TRPC3: variants seen among roughly 807,000 people sequenced by gnomAD.
TRPC3 encodes transient receptor potential cation channel subfamily C member 3.
A neutral mutation model predicts 90.9 loss-of-function variants in TRPC3; 54 were observed. The observed-to-expected ratio is 0.59, with a 90% CI of 0.48 to 0.75. TRPC3 has a LOEUF of 0.75. Among genes scored for constraint, TRPC3 ranks in the 30% least tolerant of loss-of-function variants. The pLI, the probability that TRPC3 is intolerant of heterozygous loss-of-function variation, is 0.00. For synonymous variants in TRPC3, 424 were observed against 450.9 expected (o/e 0.94, Z 0.75); for missense variants, 918 against 1,194.5 (o/e 0.77, Z 3.41).
intron 1 of TRPC3, among the ~76,000 whole-genome samples, chr4:121,946,516 G>T (rs1390934975): frequency 1.3e-5 from 2 of 152,154 alleles, no homozygotes; most frequent in African/African-American, 4.8e-5. Context: ...TGATTACATG[G>T]TCATATTAAT....
At chr4:121,889,003 C>G (rs566255830) in intron 10 of TRPC3, among the ~76,000 whole-genome samples, 12 of 152,292 alleles carry the variant, frequency 7.9e-5, no homozygotes, top group African/African-American at 2.6e-4. Flanking sequence ...GAAGCACTTA[C>G]AGCTACCTGA....
In TRPC3 at chr4:121,932,119, T is replaced by G; in HGVS notation, c.987+152A>C. On this transcript the variant is annotated intron_variant, in intron 2 of 11. Coordinates refer to ENST00000379645, the MANE Select transcript of TRPC3 (RefSeq NM_001130698.2). The surrounding 1 kb of genome is among the most constrained non-coding windows in gnomAD (Gnocchi z 7.7). ...TCATTGAGAGGGAGAAAGAAAACATTAGATGAGGTCTGAATGACGTTCTCA... is the reference window on the plus strand; with the variant it reads ...TCATTGAGAGGGAGAAAGAAAACATGAGATGAGGTCTGAATGACGTTCTCA... The G allele has an allele frequency of 8.1e-7, 1 of 1,232,166 alleles. No individual in the cohort carries two copies. The highest frequency in any genetic ancestry group is 1.6e-5 in the South Asian group (1 of 63,022). 76.3% of individuals were successfully genotyped at this position (1,232,166 alleles called of 1,614,324 possible).
chr4:121,891,661 G>A (rs1728333158), intron 10 of TRPC3, among the ~76,000 whole-genome samples: 1 of 152,138 alleles, frequency 6.6e-6, no homozygotes. Context: ...AGATTAGCAG[G>A]AGGAAAAACA....
intron 1 of TRPC3, among the ~76,000 whole-genome samples, chr4:121,941,364 G>A (rs1730302721): frequency 6.6e-6 from 1 of 152,214 alleles, no homozygotes; most frequent in Admixed American, 6.5e-5. Flanking sequence ...AAAATGTTTG[G>A]ATGGAGCAGT....
chr4:121,898,996 G>A (rs957772319), intron 10 of TRPC3, among the ~76,000 whole-genome samples: 8 of 152,108 alleles, frequency 5.3e-5, no homozygotes, highest in Admixed American at 5.2e-4. Flanking sequence ...TAAATTCCTT[G>A]ATCGTCACTT....
intron 1 of TRPC3, among the ~76,000 whole-genome samples, chr4:121,944,107 A>G (rs1730411356): frequency 6.6e-6 from 1 of 152,080 alleles, no homozygotes; most frequent in African/African-American, 2.4e-5. Context: ...CCAGACTCCT[A>G]TGTGTTCACC....
chr4:121,890,041 G>C (rs1236832778), intron 10 of TRPC3, among the ~76,000 whole-genome samples: 1 of 152,142 alleles, frequency 6.6e-6, no homozygotes, highest in Non-Finnish European at 1.5e-5. Flanking sequence ...AGGACATAAT[G>C]TTAAATGAAA....
chr4:121,885,947 G>T (rs1428110389), intron 10 of TRPC3, among the ~76,000 whole-genome samples: 1 of 152,096 alleles, frequency 6.6e-6, no homozygotes, highest in Non-Finnish European at 1.5e-5. Flanking sequence ...AAAGACTATT[G>T]ATTTTCTCTG....
At chr4:121,892,071 T>C (rs1728348188) in intron 10 of TRPC3, among the ~76,000 whole-genome samples, 1 of 152,138 alleles carries the variant, frequency 6.6e-6, no homozygotes, top group Admixed American at 6.5e-5. Context: ...TCTAATAATT[T>C]AACAAGCAGG....
Position 121,932,572 on chromosome 4 carries a change from C to T in TRPC3, c.686G>A (p.Arg229His). Reference sequence around the variant, plus strand: ...GATGGGGGTGATGTCCGGCGAGAAGCGCGTGCCGTCCTCGTCGTAAGCGTA... The same window carrying T: ...GATGGGGGTGATGTCCGGCGAGAAGTGCGTGCCGTCCTCGTCGTAAGCGTA... ...DFYAYDEDGT[R>H]FSPDITPIIL... Residue 229 changes from arginine to histidine, a missense_variant, in exon 2 of 12, where the codon CGC becomes CAC. Arg to His is a conservative substitution (Grantham distance 29, BLOSUM62 0). This residue lies in a region of TRPC3 where 609 missense variants were observed against 725.9 expected (regional missense o/e 0.84). Transcript: ENST00000379645. The surrounding 1 kb of genome is among the most constrained non-coding windows in gnomAD (Gnocchi z 7.7). The T allele has an allele frequency of 6.2e-7, 1 of 1,614,226 alleles. No individual in the cohort carries two copies. Among genetic ancestry groups the T allele is most frequent in the Non-Finnish European group, 8.5e-7 (1 of 1,180,036 alleles).
In TRPC3 at chr4:121,951,315, CCT is replaced by C. The variant is rs1156346482; in HGVS notation, c.215+149_215+150del. 2 of 467,748 alleles carry C rather than the reference CCT, an allele frequency of 4.3e-6. No individual in the cohort carries two copies. The highest frequency in any genetic ancestry group is 7.4e-5 in the East Asian group (1 of 13,554). 29.0% of individuals were successfully genotyped at this position (467,748 alleles called of 1,614,324 possible). ...GCGAGCCTCCGGCCGAGGTCTGTCC[CCT>C]CCAAATCACTCCAAATCGAACTGCC... On this transcript the variant is annotated intron_variant, in intron 1 of 11. Transcript: ENST00000379645. This position sits in a 1 kb window ranked among gnomAD's most constrained non-coding sequence, Gnocchi z 4.4.
chr4:121,892,923 C>T (rs1179376911), intron 10 of TRPC3, among the ~76,000 whole-genome samples: 1 of 151,848 alleles, frequency 6.6e-6, no homozygotes, highest in Admixed American at 6.6e-5. Context: ...GAGTTCAAGA[C>T]CAGCCTGGTC....
intron 10 of TRPC3, among the ~76,000 whole-genome samples, chr4:121,883,108 G>A (rs1727998838): frequency 1.3e-5 from 2 of 151,960 alleles, no homozygotes; most frequent in Admixed American, 1.3e-4. Flanking sequence ...TTAAATTGGA[G>A]CCCTATTTCA....
chr4:121,893,088 T>C (rs1317900537), intron 10 of TRPC3, among the ~76,000 whole-genome samples: 10 of 136,202 alleles, frequency 7.3e-5, no homozygotes, highest in Non-Finnish European at 1.5e-4. Flanking sequence ...ACCACTGCAC[T>C]CCAGCCTGGG....
At chr4:121,935,859 C>T (rs532666677) in intron 1 of TRPC3, among the ~76,000 whole-genome samples, 2 of 152,226 alleles carry the variant, frequency 1.3e-5, no homozygotes, top group Non-Finnish European at 2.9e-5. Flanking sequence ...TCCCAAAAGA[C>T]ACCAGGTTGA....
Position 121,917,007 on chromosome 4 carries a change from G to T in TRPC3, c.1177-2063C>A, listed in dbSNP as rs375498722. Among the ~76,000 whole-genome samples the T allele has an allele frequency of 2.0e-4, 31 of 152,228 alleles. No individual in the cohort carries two copies. In the South Asian group the frequency reaches 6.4e-3, roughly 32 times the overall value. ...TGGGATTACAGGCATGAGCCACCAC[G>T]CCTGGCCGAGAAATAAATTTCTGTT... On this transcript the variant is annotated intron_variant, in intron 3 of 11. Coordinates refer to ENST00000379645, the MANE Select transcript of TRPC3 (RefSeq NM_001130698.2).
At chr4:121,944,037 C>A (rs556901251) in intron 1 of TRPC3, among the ~76,000 whole-genome samples, 1 of 152,138 alleles carries the variant, frequency 6.6e-6, no homozygotes, top group African/African-American at 2.4e-5. Flanking sequence ...CTGAGCCCCT[C>A]GTGCATAAGC....
At chr4:121,897,453 CAAAAAAAAAAAAAAAAAAAAAAAAA>C (rs70950860) in intron 10 of TRPC3, among the ~76,000 whole-genome samples, 2 of 43,420 alleles carry the variant, frequency 4.6e-5, no homozygotes, top group Non-Finnish European at 8.1e-5. Context: ...ATCTCAACAG[CAAAAAAAAAAAAAAAAAAAAAAAAA>C]AAAAAAAAAA....
chr4:121,912,013 C>T lies in TRPC3; in HGVS notation c.1422G>A (p.Val474=), dbSNP rs565457808. 19 of 1,613,892 alleles carry T rather than the reference C, an allele frequency of 1.2e-5. No individual in the cohort carries two copies. Among genetic ancestry groups the T allele is most frequent in the African/African-American group, 2.7e-5 (2 of 75,016 alleles). ...ASFIIFLGLL[V]FNASDRFEGI... ...CTTCGAACCTGTCTGAGGCATTGAA[C>T]ACAAGCAGACCCAGGAAGATGATGA... The change falls in exon 5 of 12, where the codon GTG becomes GTA. Residue 474 remains valine (V), a synonymous_variant. Transcript: ENST00000379645.
Sources: allele counts gnomAD v4.1 joint callset (sites outside exome capture counted in the v4.1 genomes callset), GRCh38; gene constraint gnomAD v4.1.1; regional missense constraint gnomAD v4.1.1; non-coding constraint Gnocchi (gnomAD v3.1); transcripts MANE v1.5; gene names NCBI Gene and HGNC (gene_info 2026-07-23, HGNC 2026-07-21).